The following BCR variants were observed in gnomAD, a reference collection of about 807,000 sequenced individuals.
The protein encoded by BCR is breakpoint cluster region protein.
A neutral mutation model predicts 138.6 loss-of-function variants in BCR; 58 were observed. The observed-to-expected ratio is 0.42, with a 90% CI of 0.34 to 0.52. The LOEUF is 0.52. BCR is among the 20% of genes least tolerant of loss of function. The pLI is 0.06. For synonymous variants in BCR, 786 were observed against 730.1 expected (o/e 1.08, Z -1.23); for missense variants, 1,599 against 1,727.2 (o/e 0.93, Z 1.32).
At chr22:23,216,950 A>C in intron 1 of BCR, 1 of 400,046 alleles carries the variant, frequency 2.5e-6, no homozygotes, top group South Asian at 1.8e-5. Context: ...TTCTGTTGGT[A>C]CAGTGTGTCG....
chr22:23,263,201 G>C (rs986435672), intron 4 of BCR: 5 of 915,322 alleles, frequency 5.5e-6, no homozygotes, highest in East Asian at 5.3e-5. Flanking sequence ...GCCCGGCTGC[G>C]GGGCCAGCGC....
intron 1 of BCR, among the ~76,000 whole-genome samples, chr22:23,235,300 G>A (rs1233643785): frequency 2.1e-5 from 3 of 143,690 alleles, no homozygotes; most frequent in African/African-American, 7.4e-5. Flanking sequence ...GACTGGTCTC[G>A]AACTCCTGAC....
At chr22:23,266,542 G>C (rs189824318) in intron 4 of BCR, among the ~76,000 whole-genome samples, 1 of 151,924 alleles carries the variant, frequency 6.6e-6, no homozygotes, top group South Asian at 2.1e-4. Context: ...GGCATGCGCC[G>C]TCACGCCCGT....
In BCR at chr22:23,314,733, C is replaced by T; in HGVS notation, c.3726+19C>T. The T allele has an allele frequency of 1.2e-6, 2 of 1,611,726 alleles. No individual in the cohort carries two copies. The highest frequency in any genetic ancestry group is 1.7e-6 in the Non-Finnish European group (2 of 1,179,832). Reference sequence around the variant, plus strand: ...GTCCCAGGTATGGGAAGACAGGCTCCAGCCCATGCAACCCTGACCTGACAG... The same window carrying T: ...GTCCCAGGTATGGGAAGACAGGCTCTAGCCCATGCAACCCTGACCTGACAG... On this transcript the variant is annotated intron_variant, in intron 22 of 22. Coordinates refer to ENST00000305877, the MANE Select transcript of BCR (RefSeq NM_004327.4).
intron 1 of BCR, among the ~76,000 whole-genome samples, chr22:23,248,366 A>G (rs1013214713): frequency 1.3e-5 from 2 of 151,534 alleles, no homozygotes; most frequent in African/African-American, 4.9e-5. Context: ...AAAAAAAATC[A>G]GTTATTTTGG....
intron 2 of BCR, among the ~76,000 whole-genome samples, chr22:23,257,638 G>T (rs1205047172): frequency 1.3e-5 from 2 of 152,338 alleles, no homozygotes; most frequent in African/African-American, 4.8e-5. Flanking sequence ...GCACCTGCAG[G>T]GGCAGCTGGG....
Position 23,289,178 on chromosome 22 carries a change from C to T in BCR, c.2603-339C>T, listed in dbSNP as rs117073236. Among the ~76,000 whole-genome samples, 660 of 152,356 alleles carry T rather than the reference C, an allele frequency of 4.3e-3. 3 individuals are homozygous for T. The highest frequency in any genetic ancestry group is 6.2e-3 in the Non-Finnish European group (422 of 68,040). Reference sequence around the variant, plus strand: ...TTAGCAGAGGACGGGCAGAGCCATGCTGCTGTCTGTATGGGGAGACCTCAC... The same window carrying T: ...TTAGCAGAGGACGGGCAGAGCCATGTTGCTGTCTGTATGGGGAGACCTCAC... On this transcript the variant is annotated intron_variant, in intron 12 of 22. Coordinates refer to ENST00000305877, the MANE Select transcript of BCR (RefSeq NM_004327.4).
chr22:23,191,703 G>A (rs556311013), intron 1 of BCR, among the ~76,000 whole-genome samples: 7 of 152,256 alleles, frequency 4.6e-5, no homozygotes, highest in East Asian at 3.9e-4. Flanking sequence ...CTCGGGCCCC[G>A]TGGGTGTTTG....
intron 1 of BCR, among the ~76,000 whole-genome samples, chr22:23,217,585 C>A (rs1294476526): frequency 6.6e-6 from 1 of 152,168 alleles, no homozygotes; most frequent in Non-Finnish European, 1.5e-5. Flanking sequence ...GGTGGGAACC[C>A]TGGTGTCCAA....
At chr22:23,262,403 AC>A (rs1047394265) in intron 4 of BCR, among the ~76,000 whole-genome samples, 2 of 151,768 alleles carry the variant, frequency 1.3e-5, no homozygotes, top group African/African-American at 4.8e-5. Flanking sequence ...TGTGCTGCAG[AC>A]CCCCAGACTC....
At position 23,271,990 on chromosome 22, in the gene BCR, T is replaced by G. The variant is rs914419945; in HGVS notation, c.1921+398T>G. On this transcript the variant is annotated intron_variant, in intron 6 of 22. Coordinates refer to ENST00000305877, the MANE Select transcript of BCR (RefSeq NM_004327.4). ...ACAGGCACACACCACCACAGCCAGC[T>G]AATTTTTGTATTTTTAATAGAGATG... 2.6e-5 allele frequency among the ~76,000 whole-genome samples: 4 copies of G among 152,140 alleles called. No individual in the cohort carries two copies. In the East Asian group the frequency reaches 7.7e-4, roughly 29 times the overall value.
intron 1 of BCR, chr22:23,199,479 C>T (rs1568929565): frequency 5.2e-6 from 2 of 381,736 alleles, no homozygotes; most frequent in Admixed American, 6.2e-5. Flanking sequence ...TTTGTTTTCA[C>T]TCCTCAGGAA....
chr22:23,264,301 A>G (rs1045059576), intron 4 of BCR: 18 of 958,426 alleles, frequency 1.9e-5, no homozygotes, highest in Middle Eastern at 2.2e-4. Flanking sequence ...CTCACCACCA[A>G]GCATCTCTAT....
chr22:23,290,715 CA>C lies in BCR; in HGVS notation c.2782+303del. ...TGGCAAGGACTTTGACAGACATCCCCAGGGGTGCCCGGGAGTGTGGGGTCCA... is the reference window on the plus strand; with the variant it reads ...TGGCAAGGACTTTGACAGACATCCCCGGGGTGCCCGGGAGTGTGGGGTCCA... On this transcript the variant is annotated intron_variant, in intron 14 of 22. Coordinates refer to ENST00000305877, the MANE Select transcript of BCR (RefSeq NM_004327.4). 7 of 393,510 alleles carry C rather than the reference CA, an allele frequency of 1.8e-5. No individual in the cohort carries two copies. The South Asian group carries it at 1.8e-4, about 10-fold the overall frequency. 24.4% of individuals were successfully genotyped at this position (393,510 alleles called of 1,614,324 possible). A position where few individuals can be genotyped will look rare whatever the true frequency, so the allele number is the denominator to read the frequency against.
intron 8 of BCR, among the ~76,000 whole-genome samples, chr22:23,277,880 G>A (rs961721386): frequency 2.0e-5 from 3 of 152,204 alleles, no homozygotes; most frequent in Non-Finnish European, 4.4e-5. Context: ...AACGGTGGCC[G>A]GCAGGTGCTC....
At chr22:23,270,453 G>A (rs1012282665) in intron 5 of BCR, among the ~76,000 whole-genome samples, 5 of 152,154 alleles carry the variant, frequency 3.3e-5, no homozygotes, top group Admixed American at 6.5e-5. Flanking sequence ...CACGTGGGCC[G>A]CCTCCCAGGC....
intron 1 of BCR, among the ~76,000 whole-genome samples, chr22:23,219,947 T>TC (rs1478769065): frequency 1.3e-5 from 2 of 152,174 alleles, no homozygotes; most frequent in Non-Finnish European, 2.9e-5. Context: ...CCTTCTCGCC[T>TC]CCAAGTCTGC....
chr22:23,248,872 A>G (rs1450207255), intron 1 of BCR, among the ~76,000 whole-genome samples: 2 of 152,212 alleles, frequency 1.3e-5, no homozygotes, highest in African/African-American at 4.8e-5. Context: ...GAGGCGGCCC[A>G]GAGAGGTTTT....
At chr22:23,314,152 C>A in intron 21 of BCR, 79 bp downstream of exon 21, 2 of 1,172,922 alleles carry the variant, frequency 1.7e-6, no homozygotes, top group Non-Finnish European at 2.5e-6. Context: ...ACTAGACCCC[C>A]AACACCGAGG....
Sources: allele counts gnomAD v4.1 joint callset (sites outside exome capture counted in the v4.1 genomes callset), GRCh38; gene constraint gnomAD v4.1.1; transcripts MANE v1.5; gene names NCBI Gene and HGNC (gene_info 2026-07-23, HGNC 2026-07-21).